The following ROBO1 variants were observed in gnomAD, a reference collection of about 807,000 sequenced individuals.
ROBO1 encodes roundabout guidance receptor 1, also known as roundabout homolog 1.
ROBO1 carries 149 observed loss-of-function variants against 195.9 expected under a neutral mutation model. The ratio of observed to expected loss-of-function variants is 0.76; its 90% CI spans 0.67 to 0.87. The LOEUF (loss-of-function observed/expected upper bound fraction) is 0.87, where lower values mean the gene tolerates loss of function less well. ROBO1 is among the 40% of genes least tolerant of loss of function. The probability of loss-of-function intolerance (pLI) is 0.00; values close to 1 mark genes in which losing one functional copy is unlikely to be tolerated. For synonymous variants in ROBO1, 816 were observed against 733.2 expected (o/e 1.11, Z -1.82); for missense variants, 1,933 against 2,068.3 (o/e 0.93, Z 1.27).
In ROBO1 at chr3:79,011,874, AT is replaced by A. The variant is rs1320412151; in HGVS notation, c.173-72948del. 3.8e-4 allele frequency among the ~76,000 whole-genome samples: 57 copies of A among 151,656 alleles called. 1 individual carries two copies. In the East Asian group the frequency reaches 0.011, roughly 28 times the overall value. On this transcript the variant is annotated intron_variant, in intron 3 of 30. Transcript: ENST00000464233. The stretch of plus-strand genomic sequence containing the variant: ...AAGAACTTACTAGTCATACATAACA[AT>A]TTTTTTTGCTCTTTTACTTTCTATA...
At chr3:79,184,463 C>G (rs2081400158) in intron 2 of ROBO1, among the ~76,000 whole-genome samples, 1 of 152,130 alleles carries the variant, frequency 6.6e-6, no homozygotes, top group South Asian at 2.1e-4. Context: ...AGTCACCACA[C>G]AACCTAAAGC....
chr3:79,114,559 G>A (rs2079955258), intron 3 of ROBO1, among the ~76,000 whole-genome samples: 1 of 152,058 alleles, frequency 6.6e-6, no homozygotes, highest in African/African-American at 2.4e-5. Flanking sequence ...ATCTTGGTGA[G>A]CAGTAAGCAA....
At chr3:79,318,764 A>G (rs1239056479) in intron 2 of ROBO1, among the ~76,000 whole-genome samples, 1 of 152,184 alleles carries the variant, frequency 6.6e-6, no homozygotes, top group Non-Finnish European at 1.5e-5. Flanking sequence ...ACAAATGTAT[A>G]TAGTTATAAA....
chr3:79,642,059 C>T (rs62259367), intron 1 of ROBO1, among the ~76,000 whole-genome samples: 3,225 of 152,102 alleles, frequency 0.021, 57 homozygotes, highest in Non-Finnish European at 0.032. Context: ...AATAAAGAAA[C>T]ATTTAACAAA....
intron 2 of ROBO1, among the ~76,000 whole-genome samples, chr3:79,197,878 G>C (rs2081670839): frequency 7.1e-6 from 1 of 141,616 alleles, no homozygotes; most frequent in Non-Finnish European, 1.5e-5. Flanking sequence ...CCATTTTTTT[G>C]ATGGGTTTTT....
intron 3 of ROBO1, among the ~76,000 whole-genome samples, chr3:79,117,211 A>T (rs1429038858): frequency 6.7e-6 from 1 of 149,610 alleles, no homozygotes; most frequent in Non-Finnish European, 1.5e-5. Flanking sequence ...CTACTAAAAT[A>T]AAAAAAAAAT....
intron 1 of ROBO1, among the ~76,000 whole-genome samples, chr3:79,658,466 G>T (rs1946235050): frequency 6.6e-6 from 1 of 151,862 alleles, no homozygotes; most frequent in Non-Finnish European, 1.5e-5. Flanking sequence ...CCACATTTTT[G>T]CTTTCCAACA....
intron 2 of ROBO1, among the ~76,000 whole-genome samples, chr3:79,391,220 G>C (rs965627517): frequency 1.3e-5 from 2 of 151,774 alleles, no homozygotes; most frequent in Admixed American, 1.3e-4. Flanking sequence ...ATGAGCCCAA[G>C]AGTTGGAGGC....
chr3:78,605,905 C>T (rs532069926), intron 29 of ROBO1, among the ~76,000 whole-genome samples: 32 of 152,300 alleles, frequency 2.1e-4, no homozygotes, highest in South Asian at 1.9e-3. Context: ...TATTGGGCCA[C>T]TCTCTGAAGT....
chr3:78,872,261 T>C (rs919153649), intron 4 of ROBO1, among the ~76,000 whole-genome samples: 7 of 152,142 alleles, frequency 4.6e-5, no homozygotes, highest in African/African-American at 1.7e-4. Context: ...ACCTGACTGA[T>C]GTTACAGTAA....
intron 2 of ROBO1, among the ~76,000 whole-genome samples, chr3:79,298,124 A>T (rs1480842814): frequency 2.6e-5 from 4 of 152,158 alleles, no homozygotes; most frequent in Admixed American, 6.6e-5. Flanking sequence ...TTAAAAAAAA[A>T]TATCAGTTTC....
intron 2 of ROBO1, among the ~76,000 whole-genome samples, chr3:79,466,019 T>C (rs1320375508): frequency 6.6e-6 from 1 of 151,566 alleles, no homozygotes; most frequent in Non-Finnish European, 1.5e-5. Context: ...TATAAGTATT[T>C]TCAATCTCCT....
intron 3 of ROBO1, among the ~76,000 whole-genome samples, chr3:79,044,105 C>A (rs1226911059): frequency 2.1e-5 from 3 of 140,640 alleles, no homozygotes; most frequent in African/African-American, 7.9e-5. Context: ...AATACACTAA[C>A]AGTAATGATA....
chr3:78,830,943 C>T (rs543552348), intron 4 of ROBO1, among the ~76,000 whole-genome samples: 26 of 151,994 alleles, frequency 1.7e-4, no homozygotes, highest in East Asian at 9.7e-4. Flanking sequence ...GATGGAGTCT[C>T]GCTCTGTCAC....
chr3:79,536,256 A>C (rs1044459019), intron 2 of ROBO1, among the ~76,000 whole-genome samples: 2 of 152,158 alleles, frequency 1.3e-5, no homozygotes, highest in African/African-American at 2.4e-5. Context: ...ATACACACCT[A>C]TATACACAGC....
At chr3:78,772,927 GT>G (rs2083413753) in intron 4 of ROBO1, among the ~76,000 whole-genome samples, 1 of 152,022 alleles carries the variant, frequency 6.6e-6, no homozygotes, top group African/African-American at 2.4e-5. Context: ...AAAATCCACA[GT>G]TTTAACCACT....
intron 4 of ROBO1, among the ~76,000 whole-genome samples, chr3:78,815,952 T>C: frequency 6.6e-6 from 1 of 152,228 alleles, no homozygotes; most frequent in South Asian, 2.1e-4. Context: ...TTTCCAGTTA[T>C]CCAGAAGACC....
intron 4 of ROBO1, among the ~76,000 whole-genome samples, chr3:78,828,894 C>T (rs539107377): frequency 6.6e-6 from 1 of 152,270 alleles, no homozygotes; most frequent in East Asian, 1.9e-4. Context: ...AATCGTGCAA[C>T]CTGGCAGTTT....
chr3:79,016,892 G>A (rs1316034130), intron 3 of ROBO1, among the ~76,000 whole-genome samples: 2 of 152,206 alleles, frequency 1.3e-5, no homozygotes, highest in Non-Finnish European at 2.9e-5. Context: ...CAAATAGAGA[G>A]ATCAGATTTT....
Sources: allele counts gnomAD v4.1 joint callset (sites outside exome capture counted in the v4.1 genomes callset), GRCh38; gene constraint gnomAD v4.1.1; transcripts MANE v1.5; gene names NCBI Gene and HGNC (gene_info 2026-07-23, HGNC 2026-07-21).